Variants in MFHAS1 observed in about 807,000 individuals in gnomAD.
MFHAS1 encodes malignant fibrous histiocytoma-amplified sequence 1.
In MFHAS1, 50 loss-of-function variants were observed where a neutral mutation model predicts 70.4. The ratio of observed to expected loss-of-function variants is 0.71; its 90% CI spans 0.57 to 0.90. The LOEUF (loss-of-function observed/expected upper bound fraction) is 0.90. Among genes scored for constraint, MFHAS1 ranks in the 40% least tolerant of loss-of-function variants. The pLI is 0.00. For synonymous variants in MFHAS1, 952 were observed against 620.0 expected, an observed-to-expected ratio of 1.54 and a Z score of -7.96; for missense variants, 1,795 against 1,347.6, an observed-to-expected ratio of 1.33 and a Z score of -5.20.
Position 8,785,975 on chromosome 8 carries a change from T to G in MFHAS1, c.*47A>C, listed in dbSNP as rs751579338. The stretch of plus-strand genomic sequence containing the variant: ...TGCCAGGTGCAAAAGATGGTCCAGG[T>G]GTTCAGATGCTCTCTTTTCTCCATG... On this transcript the variant is annotated 3_prime_UTR_variant, in exon 3 of 3. Coordinates refer to ENST00000276282, the MANE Select transcript of MFHAS1 (RefSeq NM_004225.3). 1 of 1,601,298 alleles carries G rather than the reference T, an allele frequency of 6.2e-7. No homozygotes were observed. Among genetic ancestry groups the G allele is most frequent in the Non-Finnish European group, 8.6e-7 (1 of 1,168,936 alleles).
chr8:8,826,247 A>AGTGTGTGTGTGTGTGTGTGTGT (rs112140342), intron 1 of MFHAS1, among the ~76,000 whole-genome samples: 1 of 147,774 alleles, frequency 6.8e-6, no homozygotes, highest in Non-Finnish European at 1.5e-5. Context: ...AAACACAAAG[A>AGTGTGTGTGTGTGTGTGTGTGT]GTGTGTGTGT....
intron 1 of MFHAS1, among the ~76,000 whole-genome samples, chr8:8,882,590 C>A (rs147894260): frequency 1.3e-5 from 2 of 151,844 alleles, no homozygotes; most frequent in African/African-American, 4.8e-5. Context: ...CCACCCTGGG[C>A]GACAGAGTGA....
intron 1 of MFHAS1, among the ~76,000 whole-genome samples, chr8:8,856,172 T>C (rs776901131): frequency 6.6e-6 from 1 of 152,170 alleles, no homozygotes; most frequent in African/African-American, 2.4e-5. Context: ...GGGCCCTTAT[T>C]TGGAAAACAA....
At chr8:8,798,521 A>C (rs144117853) in intron 1 of MFHAS1, among the ~76,000 whole-genome samples, 57 of 152,196 alleles carry the variant, frequency 3.7e-4, no homozygotes, top group African/African-American at 1.3e-3. Context: ...ATTTTTGTAG[A>C]GACAGGAGTC....
chr8:8,888,114 T>G (rs1265164049), intron 1 of MFHAS1, among the ~76,000 whole-genome samples: 1 of 152,118 alleles, frequency 6.6e-6, no homozygotes, highest in African/African-American at 2.4e-5. Context: ...CAATGACAAA[T>G]ATAAAACAAA....
intron 1 of MFHAS1, among the ~76,000 whole-genome samples, chr8:8,809,747 G>T (rs1382249797): frequency 6.6e-6 from 1 of 152,134 alleles, no homozygotes; most frequent in East Asian, 1.9e-4. Context: ...CACAAACCTA[G>T]CTCAGCCCTC....
intron 1 of MFHAS1, among the ~76,000 whole-genome samples, chr8:8,803,283 T>G (rs931773696): frequency 2.0e-5 from 3 of 148,272 alleles, no homozygotes; most frequent in African/African-American, 2.5e-5. Flanking sequence ...GGCCGAGGGG[T>G]GGGGGCAGAT....
intron 2 of MFHAS1, among the ~76,000 whole-genome samples, chr8:8,792,276 A>G (rs1284507900): frequency 9.4e-6 from 1 of 106,750 alleles, no homozygotes; most frequent in Non-Finnish European, 2.0e-5. Flanking sequence ...CTAACACACC[A>G]GCCTGCAAAA....
rs1045006738 is a variant in MFHAS1 at position 8,893,173 on chromosome 8, C to T, written c.-115G>A. ...TGCCTGCCCTCCCGCGCTCGGCGGC[C>T]GGCGGCCGCGGGTCCTAGCGCAGCC... On this transcript the variant is annotated 5_prime_UTR_variant, in exon 1 of 3. Transcript: ENST00000276282. 2.3e-4 allele frequency: 134 copies of T among 582,568 alleles called. No individual in the cohort carries two copies. The highest frequency in any genetic ancestry group is 3.4e-4 in the Admixed American group (7 of 20,458). The allele number at this position is 582,568 out of a possible 1,614,324, so 36.1% of individuals were successfully genotyped here.
At chr8:8,789,287 G>A (rs1056268766) in intron 2 of MFHAS1, among the ~76,000 whole-genome samples, 5 of 152,192 alleles carry the variant, frequency 3.3e-5, no homozygotes, top group Non-Finnish European at 5.9e-5. Context: ...TGAGGCTTAC[G>A]GACTCCTAGC....
At position 8,890,363 on chromosome 8, in the gene MFHAS1, C is replaced by A. The variant is rs751453118; in HGVS notation, c.2696G>T (p.Ser899Ile). Residue 899 changes from serine (S) to isoleucine (I), a missense_variant, in exon 1 of 3, where the codon AGT (serine) becomes ATT (isoleucine). Coordinates refer to ENST00000276282, the MANE Select transcript of MFHAS1 (RefSeq NM_004225.3). The part of the protein sequence containing the change: ...TFPLGLFARY[S>I]VQINSHVVHR... ...CACCACATGGCTGTTGATCTGGACA[C>A]TGTAGCGTGCAAACAACCCAAGTGG... 2 of 1,614,210 alleles carry A rather than the reference C, an allele frequency of 1.2e-6. No homozygotes were observed. The highest frequency in any genetic ancestry group is 2.2e-5 in the South Asian group (2 of 91,088).
intron 1 of MFHAS1, among the ~76,000 whole-genome samples, chr8:8,830,278 G>A (rs1448551263): frequency 6.6e-6 from 1 of 152,158 alleles, no homozygotes; most frequent in Non-Finnish European, 1.5e-5. Flanking sequence ...ATAAACTAGA[G>A]TCTGGTTCTA....
intron 2 of MFHAS1, chr8:8,790,374 T>C: frequency 1.0e-6 from 1 of 985,138 alleles, no homozygotes. Flanking sequence ...GTAAAAATGA[T>C]GGCATAAGGA....
chr8:8,865,312 C>T (rs1585059654), intron 1 of MFHAS1, among the ~76,000 whole-genome samples: 1 of 146,894 alleles, frequency 6.8e-6, no homozygotes, highest in Admixed American at 6.8e-5. Context: ...AAATGTTTCA[C>T]TGTCAAGATG....
At chr8:8,832,084 A>ACACACG in intron 1 of MFHAS1, among the ~76,000 whole-genome samples, 1 of 151,744 alleles carries the variant, frequency 6.6e-6, no homozygotes, top group Non-Finnish European at 1.5e-5. Context: ...ACACACACAC[A>ACACACG]CACACGCACC....
intron 2 of MFHAS1, among the ~76,000 whole-genome samples, chr8:8,787,153 T>C (rs1300293171): frequency 6.6e-6 from 1 of 151,698 alleles, no homozygotes; most frequent in Non-Finnish European, 1.5e-5. Context: ...CAATCTCGGC[T>C]CACTGCAAGC....
At chr8:8,819,155 A>T (rs954276184) in intron 1 of MFHAS1, among the ~76,000 whole-genome samples, 1 of 151,926 alleles carries the variant, frequency 6.6e-6, no homozygotes, top group South Asian at 2.1e-4. Context: ...TTTGCAGTGT[A>T]TATATTAAAC....
intron 1 of MFHAS1, among the ~76,000 whole-genome samples, chr8:8,844,051 C>G (rs1027146992): frequency 6.6e-6 from 1 of 152,146 alleles, no homozygotes; most frequent in African/African-American, 2.4e-5. Context: ...AACGCAAATT[C>G]TAATCCTTTT....
At chr8:8,860,213 C>T (rs1808609313) in intron 1 of MFHAS1, among the ~76,000 whole-genome samples, 1 of 152,126 alleles carries the variant, frequency 6.6e-6, no homozygotes, top group Non-Finnish European at 1.5e-5. Flanking sequence ...AGATGGAAAC[C>T]CATCCCACTC....
Sources: gnomAD v4.1 joint callset for allele counts (sites outside exome capture counted in the v4.1 genomes callset) on GRCh38, gnomAD v4.1.1 for gene constraint, MANE v1.5 for transcripts, NCBI Gene and HGNC (gene_info 2026-07-23, HGNC 2026-07-21) for gene names.